Variants in GNG4 observed in about 807,000 individuals in gnomAD.
GNG4 encodes the protein G protein subunit gamma 4.
In GNG4, 4 loss-of-function variants were observed where a neutral mutation model predicts 5.8. The observed-to-expected ratio is 0.69, with a 90% CI of 0.34 to 1.57. The LOEUF (loss-of-function observed/expected upper bound fraction) is 1.57, where lower values mean the gene tolerates loss of function less well. Ranked by LOEUF, GNG4 falls within the 40% of genes most tolerant of loss-of-function variation. The probability of loss-of-function intolerance (pLI) is 0.06; values close to 1 mark genes in which losing one functional copy is unlikely to be tolerated. For synonymous variants in GNG4, 29 were observed against 32.9 expected, an observed-to-expected ratio of 0.88 and a Z score of 0.41; for missense variants, 96 against 95.1, an observed-to-expected ratio of 1.01 and a Z score of -0.04.
At chr1:235,649,891 C>T (rs1328382627), upstream of GNG4, 1 of 149,294 alleles carries the variant, frequency 6.7e-6, no homozygotes, top group African/African-American at 2.4e-5. This position sits in a 1 kb window ranked among gnomAD's most constrained non-coding sequence, Gnocchi z 5.7. Flanking sequence ...CGCAGGCGGA[C>T]CCTCCCCCGG....
chr1:235,622,529 C>T (rs1441658704), intron 1 of GNG4, among the ~76,000 whole-genome samples: 2 of 152,176 alleles, frequency 1.3e-5, no homozygotes, highest in African/African-American at 2.4e-5. Context: ...GCTGGGCCAA[C>T]ATGGTGAAAC....
At chr1:235,622,625 G>A (rs1289254700) in intron 1 of GNG4, among the ~76,000 whole-genome samples, 4 of 151,884 alleles carry the variant, frequency 2.6e-5, no homozygotes, top group African/African-American at 7.3e-5. Context: ...TTGGGAGGCC[G>A]AGGCGGGTGG....
intron 3 of GNG4, among the ~76,000 whole-genome samples, chr1:235,572,771 A>T (rs1687377998): frequency 6.6e-6 from 1 of 152,074 alleles, no homozygotes; most frequent in African/African-American, 2.4e-5. Flanking sequence ...AAGTGCTGGG[A>T]TTACAGGCGT....
At chr1:235,587,804 G>C (rs67518133) in intron 2 of GNG4, among the ~76,000 whole-genome samples, 1 of 142,264 alleles carries the variant, frequency 7.0e-6, no homozygotes, top group African/African-American at 2.6e-5. Context: ...GAAGGTGAGA[G>C]TGTGAATACA....
chr1:235,586,291 A>T (rs369558519), intron 2 of GNG4, among the ~76,000 whole-genome samples: 1 of 151,568 alleles, frequency 6.6e-6, no homozygotes, highest in East Asian at 1.9e-4. Flanking sequence ...GTTCCTGCAC[A>T]TGTGTTGGTG....
chr1:235,606,944 C>CTTT (rs1181596456), intron 1 of GNG4, among the ~76,000 whole-genome samples: 29 of 123,714 alleles, frequency 2.3e-4, no homozygotes, highest in African/African-American at 3.5e-4. Context: ...CCTTTCTTTC[C>CTTT]TTTTTTTTTT....
chr1:235,577,996 C>G (rs753965987), intron 3 of GNG4, among the ~76,000 whole-genome samples: 2 of 152,242 alleles, frequency 1.3e-5, no homozygotes, highest in South Asian at 2.1e-4. Context: ...TGACAGCTCC[C>G]CTTTCTTTCC....
intron 1 of GNG4, among the ~76,000 whole-genome samples, chr1:235,643,494 A>G (rs10926341): frequency 0.44 from 66,225 of 152,124 alleles, 15,411 homozygotes; most frequent in African/African-American, 0.57. Flanking sequence ...GTGCATGACC[A>G]TATCTTATTT....
intron 2 of GNG4, among the ~76,000 whole-genome samples, chr1:235,584,692 ATTG>A (rs1571894549): frequency 1.8e-5 from 1 of 54,570 alleles, no homozygotes; most frequent in Non-Finnish European, 3.7e-5. Flanking sequence ...ACACATCACA[ATTG>A]CAATTGCCCC....
chr1:235,601,474 T>C (rs1257769813), intron 1 of GNG4, among the ~76,000 whole-genome samples: 1 of 152,186 alleles, frequency 6.6e-6, no homozygotes. Context: ...TACATTGCTT[T>C]CTATGATAGA....
At chr1:235,593,674 T>G (rs1474285858) in intron 2 of GNG4, among the ~76,000 whole-genome samples, 1 of 152,038 alleles carries the variant, frequency 6.6e-6, no homozygotes, top group Non-Finnish European at 1.5e-5. Context: ...TTACTTCTGG[T>G]GGGTTCATGG....
rs1440354708 is a variant in GNG4, at chr1:235,550,131, A to T, written c.*1978T>A. Reference sequence around the variant, plus strand: ...TGTATTCTCCTCTTTCATCGGGATCATATGAGTTTGGTTTAGGTAGGACCT... The same window carrying T: ...TGTATTCTCCTCTTTCATCGGGATCTTATGAGTTTGGTTTAGGTAGGACCT... On this transcript the variant is annotated 3_prime_UTR_variant, in exon 4 of 4. Transcript: ENST00000391854. 6.6e-6 allele frequency: 1 copy of T among 152,244 alleles called. No homozygotes were observed. The highest frequency in any genetic ancestry group is 1.9e-4 in the East Asian group (1 of 5,196). The allele number at this position is 152,244 out of a possible 1,614,324, so 9.4% of individuals were successfully genotyped here. A position where few individuals can be genotyped will look rare whatever the true frequency, so the allele number is the denominator to read the frequency against.
intron 1 of GNG4, among the ~76,000 whole-genome samples, chr1:235,626,958 CAAAA>C (rs776506587): frequency 1.3e-5 from 1 of 77,354 alleles, no homozygotes. Context: ...GACTCTATCT[CAAAA>C]AAAAAAAAAA....
chr1:235,608,889 G>A (rs1048043576), intron 1 of GNG4, among the ~76,000 whole-genome samples: 54 of 152,130 alleles, frequency 3.5e-4, no homozygotes, highest in African/African-American at 1.3e-3. Flanking sequence ...TTGCCATGTT[G>A]GCCAGGCTGA....
chr1:235,593,636 G>A (rs1688043612), intron 2 of GNG4, among the ~76,000 whole-genome samples: 1 of 152,168 alleles, frequency 6.6e-6, no homozygotes, highest in African/African-American at 2.4e-5. Flanking sequence ...GTTTGCTACT[G>A]CTGATGTTCG....
chr1:235,633,363 T>G (rs73122545), intron 1 of GNG4, among the ~76,000 whole-genome samples: 8,339 of 152,188 alleles, frequency 0.055, 735 homozygotes, highest in African/African-American at 0.19. Flanking sequence ...CCAGCACCCC[T>G]TCACCTGAAA....
chr1:235,637,057 C>CAAAAAA lies in GNG4; in HGVS notation c.-123+12599_-123+12604dup, dbSNP rs61512163. ...TGGGCGACAGAGCCAGACTCCGTCT[C>CAAAAAA]AAAAAAAAAAAAAAAAATCCCTGCC... On this transcript the variant is annotated intron_variant, in intron 1 of 3. Coordinates refer to ENST00000391854, the MANE Select transcript of GNG4 (RefSeq NM_001098722.2). 1.3e-3 allele frequency among the ~76,000 whole-genome samples: 169 copies of CAAAAAA among 134,454 alleles called. 1 individual carries two copies. The highest frequency in any genetic ancestry group is 4.7e-3 in the African/African-American group (162 of 34,694). The allele number at this position is 134,454 out of a possible 152,430, so 88.2% of individuals were successfully genotyped here.
At chr1:235,564,673 G>C (rs1218962933) in intron 3 of GNG4, among the ~76,000 whole-genome samples, 1 of 152,110 alleles carries the variant, frequency 6.6e-6, no homozygotes, top group Non-Finnish European at 1.5e-5. Context: ...ATTTTTTTAA[G>C]AGTGGTCATC....
At chr1:235,650,128 C>T (rs1285361920), upstream of GNG4, 1 of 150,376 alleles carries the variant, frequency 6.6e-6, no homozygotes, top group Non-Finnish European at 1.5e-5. Flanking sequence ...CGGGCCCGCG[C>T]CCCCCGCCCG....
Sources: gnomAD v4.1 joint callset for allele counts (sites outside exome capture counted in the v4.1 genomes callset) on GRCh38, gnomAD v4.1.1 for gene constraint, Gnocchi (gnomAD v3.1) non-coding constraint, MANE v1.5 for transcripts, NCBI Gene and HGNC (gene_info 2026-07-23, HGNC 2026-07-21) for gene names.